TNPO2: variants seen among roughly 807,000 people sequenced by gnomAD.
TNPO2 encodes the protein transportin-2.
A neutral mutation model predicts 111.1 loss-of-function variants in TNPO2; 16 were observed. The ratio of observed to expected loss-of-function variants is 0.14; its 90% CI spans 0.10 to 0.22. TNPO2 has a LOEUF of 0.22. TNPO2 is among the 10% of genes least tolerant of loss of function. The probability of loss-of-function intolerance (pLI) is 1.00; values close to 1 mark genes in which losing one functional copy is unlikely to be tolerated. For missense variants in TNPO2, 530 were observed against 1,173.7 expected (o/e 0.45, Z 8.01); for synonymous variants, 481 against 475.8 (o/e 1.01, Z -0.14).
chr19:12,715,478 C>T lies in TNPO2; in HGVS notation c.493G>A (p.Ala165Thr), dbSNP rs369773308. Residue 165 changes from alanine to threonine, a missense_variant, in exon 7 of 26, where the codon GCC (alanine) becomes ACC (threonine). Physicochemically the swap from Ala to Thr is moderately conservative, Grantham distance 58. This residue lies in a region of TNPO2 where 156 missense variants were observed against 405.8 expected (regional missense o/e 0.38). Coordinates refer to ENST00000425528, the MANE Select transcript of TNPO2 (RefSeq NM_001382241.1). The surrounding 1 kb of genome is among the most constrained non-coding windows in gnomAD (Gnocchi z 7.1). ...EDSSELLDSD[A>T]LNRPLNIMIP... ...ATGATGTTGAGGGGCCTGTTGAGGG[C>T]GTCACTGTCCAGAAGCTCTGATGAG... 94 of 1,613,746 alleles carry T rather than the reference C, an allele frequency of 5.8e-5. No individual in the cohort carries two copies. Among genetic ancestry groups the T allele is most frequent in the Middle Eastern group, 1.6e-4 (1 of 6,082 alleles).
chr19:12,702,308 G>C lies in TNPO2; in HGVS notation c.2306-131C>G, dbSNP rs2025364258. The C allele has an allele frequency of 1.4e-6, 1 of 737,840 alleles. No individual in the cohort carries two copies. Among genetic ancestry groups the C allele is most frequent in the Non-Finnish European group, 2.4e-6 (1 of 421,500 alleles). 45.7% of individuals were successfully genotyped at this position (737,840 alleles called of 1,614,324 possible). A position where few individuals can be genotyped will look rare whatever the true frequency, so the allele number is the denominator to read the frequency against. On this transcript the variant is annotated intron_variant, in intron 21 of 25. Coordinates refer to ENST00000425528, the MANE Select transcript of TNPO2 (RefSeq NM_001382241.1). The surrounding 1 kb of genome is among the most constrained non-coding windows in gnomAD (Gnocchi z 5.5). ...GTCCCCCAAGCTTGGCCCAGCCAGG[G>C]GTCCTCCTCATCACACCTGAGTCAC...
rs749625985 is a variant in TNPO2, at chr19:12,703,703, G to A, written c.2110+11C>T. ...TGGGGTCATGGGTTAGGGACAAGGCGAGTGTCGTACCGATACAGGGCTTGA... is the reference window on the plus strand; with the variant it reads ...TGGGGTCATGGGTTAGGGACAAGGCAAGTGTCGTACCGATACAGGGCTTGA... On this transcript the variant is annotated intron_variant, in intron 19 of 25. Transcript: ENST00000425528. 5 of 1,606,492 alleles carry A rather than the reference G, an allele frequency of 3.1e-6. No individual in the cohort carries two copies. The highest frequency in any genetic ancestry group is 2.2e-5 in the South Asian group (2 of 90,108).
Position 12,711,631 on chromosome 19 carries a change from G to T in TNPO2, c.891-18C>A, listed in dbSNP as rs754632255. The T allele has an allele frequency of 1.2e-6, 2 of 1,611,604 alleles. No homozygotes were observed. The highest frequency in any genetic ancestry group is 4.5e-5 in the East Asian group (2 of 44,854). ...GGATCAACCTGCACAGAGAGGGACT[G>T]TTTATGGGGATGCAGGGGCCGTGGC... On this transcript the variant is annotated intron_variant, in intron 10 of 25. Transcript: ENST00000425528.
chr19:12,706,531 G>A lies in TNPO2; in HGVS notation c.1496+39C>T, dbSNP rs755548562. 45 of 1,606,350 alleles carry A rather than the reference G, an allele frequency of 2.8e-5. No individual in the cohort carries two copies. The highest frequency in any genetic ancestry group is 3.7e-5 in the Non-Finnish European group (43 of 1,173,502). ...TCATCACTTCCCAGAGGGTGGCCGG[G>A]GGAGAGTGGGGGCTGTGGGATCAGG... is the stretch of plus-strand genomic sequence containing the variant. On this transcript the variant is annotated intron_variant, in intron 14 of 25. Coordinates refer to ENST00000425528, the MANE Select transcript of TNPO2 (RefSeq NM_001382241.1). The surrounding 1 kb of genome is among the most constrained non-coding windows in gnomAD (Gnocchi z 7.0).
chr19:12,701,763 C>T lies in TNPO2; in HGVS notation c.2500G>A (p.Gly834Ser). 2 of 1,613,832 alleles carry T rather than the reference C, an allele frequency of 1.2e-6. No individual in the cohort carries two copies. The highest frequency in any genetic ancestry group is 1.3e-5 in the African/African-American group (1 of 75,044). The change falls in exon 23 of 26, where the codon GGC becomes AGC. Residue 834 changes from glycine to serine, a missense_variant. Coordinates refer to ENST00000425528, the MANE Select transcript of TNPO2 (RefSeq NM_001382241.1). This position sits in a 1 kb window ranked among gnomAD's most constrained non-coding sequence, Gnocchi z 5.0. ...ICMMIGVNPGGVVQDFIFFCD... is the reference protein window; with the variant it reads ...ICMMIGVNPGSVVQDFIFFCD... ...CCAGCTGCCCCAACCTGCACAACGC[C>T]CCCCGGGTTGACACCGATCATCATG...
chr19:12,701,582 CCAGA>C lies in TNPO2; in HGVS notation c.2586+12_2586+15del. Reference sequence around the variant, plus strand: ...CCTGCTCCCGGAACTAGATCAGGGCCCAGACAGAGCCTCACCTTATAAAACATGT... The same window carrying C: ...CCTGCTCCCGGAACTAGATCAGGGCCCAGAGCCTCACCTTATAAAACATGT... On this transcript the variant is annotated intron_variant, in intron 24 of 25. Transcript: ENST00000425528. This position sits in a 1 kb window ranked among gnomAD's most constrained non-coding sequence, Gnocchi z 5.0. 3 of 1,613,550 alleles carry C rather than the reference CCAGA, an allele frequency of 1.9e-6. No individual in the cohort carries two copies. The highest frequency in any genetic ancestry group is 2.5e-6 in the Non-Finnish European group (3 of 1,179,648).
At chr19:12,710,968 C>G (rs535871132) in intron 12 of TNPO2, among the ~76,000 whole-genome samples, 195 bp from the exon 13 acceptor site, 1 of 152,286 alleles carries the variant, frequency 6.6e-6, no homozygotes, top group East Asian at 1.9e-4. Context: ...TATCTCGGCT[C>G]ACTGCAAGCT....
At position 12,721,195 on chromosome 19, in the gene TNPO2, G is replaced by T. The variant is rs1402022933; in HGVS notation, c.-13-205C>A. 2 of 1,382,134 alleles carry T rather than the reference G, an allele frequency of 1.4e-6. No homozygotes were observed. Among genetic ancestry groups the T allele is most frequent in the Non-Finnish European group, 1.9e-6 (2 of 1,075,062 alleles). The allele number at this position is 1,382,134 out of a possible 1,614,324, so 85.6% of individuals were successfully genotyped here. A position where few individuals can be genotyped will look rare whatever the true frequency, so the allele number is the denominator to read the frequency against. On this transcript the variant is annotated intron_variant, in intron 2 of 25. Coordinates refer to ENST00000425528, the MANE Select transcript of TNPO2 (RefSeq NM_001382241.1). The surrounding 1 kb of genome is among the most constrained non-coding windows in gnomAD (Gnocchi z 4.9). ...GCGCAGTCGCGGGCTCGGGAGCGCG[G>T]GAGGGGGGATGTGGAAACGGGCCAC...
Position 12,715,347 on chromosome 19 carries a change from G to A in TNPO2, c.567-23C>T. Reference sequence around the variant, plus strand: ...GACCTGGCGGGGAGCAGACACGTGGGTCACCCTGACCCTGCCCACTCCAGG... The same window carrying A: ...GACCTGGCGGGGAGCAGACACGTGGATCACCCTGACCCTGCCCACTCCAGG... On this transcript the variant is annotated intron_variant, in intron 7 of 25. Coordinates refer to ENST00000425528, the MANE Select transcript of TNPO2 (RefSeq NM_001382241.1). The surrounding 1 kb of genome is among the most constrained non-coding windows in gnomAD (Gnocchi z 7.1). The A allele has an allele frequency of 2.5e-6, 4 of 1,613,858 alleles. No individual in the cohort carries two copies. In the South Asian group the frequency reaches 3.3e-5, roughly 13 times the overall value.
At chr19:12,712,663 G>A (rs920419752) in intron 10 of TNPO2, among the ~76,000 whole-genome samples, 1 of 152,166 alleles carries the variant, frequency 6.6e-6, no homozygotes, top group Non-Finnish European at 1.5e-5. Context: ...CAGTGGACAC[G>A]TGACCCATGT....
chr19:12,701,931 G>T lies in TNPO2; in HGVS notation c.2412-80C>A. 1.4e-6 allele frequency: 2 copies of T among 1,440,726 alleles called. No individual in the cohort carries two copies. Among genetic ancestry groups the T allele is most frequent in the Non-Finnish European group, 2.0e-6 (2 of 1,024,402 alleles). 89.2% of individuals were successfully genotyped at this position (1,440,726 alleles called of 1,614,324 possible). The stretch of plus-strand genomic sequence containing the variant: ...GAGGGCTGGGTCACTGGGGATCAGT[G>T]AGTGGGCCTGGGACATGCATCTGTG... On this transcript the variant is annotated intron_variant, in intron 22 of 25. Transcript: ENST00000425528. This position sits in a 1 kb window ranked among gnomAD's most constrained non-coding sequence, Gnocchi z 5.0.
At chr19:12,709,406 G>T (rs992186550) in intron 13 of TNPO2, among the ~76,000 whole-genome samples, 5 of 147,610 alleles carry the variant, frequency 3.4e-5, no homozygotes, top group Admixed American at 1.3e-4. Context: ...ATTAACATAT[G>T]TAAGCGTATT....
Position 12,701,258 on chromosome 19 carries a change from G to A in TNPO2, c.*21-15C>T. ...CAGACAGAAACCTGCAGGGGGAGGA[G>A]GAAGGTCATGGCCTGGGACCTTTCG... On this transcript the variant is annotated splice_polypyrimidine_tract_variant and intron_variant, in intron 25 of 25. Transcript: ENST00000425528. This position sits in a 1 kb window ranked among gnomAD's most constrained non-coding sequence, Gnocchi z 5.0. The A allele has an allele frequency of 3.9e-6, 4 of 1,034,692 alleles. No individual in the cohort carries two copies. The highest frequency in any genetic ancestry group is 1.4e-5 in the South Asian group (1 of 69,844). The allele number at this position is 1,034,692 out of a possible 1,614,324, so 64.1% of individuals were successfully genotyped here. A position where few individuals can be genotyped will look rare whatever the true frequency, so the allele number is the denominator to read the frequency against.
intron 5 of TNPO2, among the ~76,000 whole-genome samples, chr19:12,718,061 G>A (rs1178229036): frequency 6.6e-6 from 1 of 151,550 alleles, no homozygotes; most frequent in Admixed American, 6.6e-5. Context: ...CTGGAGTGTA[G>A]TGCCGCAATC....
rs1369613829 is a variant in TNPO2, at chr19:12,701,691, C to T, written c.2512-19G>A. ...TAAAGTCCTGAAACGTGACGGATCCCAGGTGAGGGGCCGCCCGAGCCCAGC... is the reference window on the plus strand; with the variant it reads ...TAAAGTCCTGAAACGTGACGGATCCTAGGTGAGGGGCCGCCCGAGCCCAGC... On this transcript the variant is annotated intron_variant, in intron 23 of 25. Coordinates refer to ENST00000425528, the MANE Select transcript of TNPO2 (RefSeq NM_001382241.1). The surrounding 1 kb of genome is among the most constrained non-coding windows in gnomAD (Gnocchi z 5.0). 1 of 1,613,776 alleles carries T rather than the reference C, an allele frequency of 6.2e-7. No homozygotes were observed. The highest frequency in any genetic ancestry group is 1.1e-5 in the South Asian group (1 of 91,082).
At position 12,701,777 on chromosome 19, in the gene TNPO2, C is replaced by T. The variant is rs748241836; in HGVS notation, c.2486G>A (p.Gly829Asp). ...SAFRGICMMI[G>D]VNPGGVVQDF... ...CTGCACAACGCCCCCCGGGTTGACA[C>T]CGATCATCATGCAGATGCCGCGGAA... is the stretch of plus-strand genomic sequence containing the variant. Residue 829 changes from glycine (G) to aspartate (D), a missense_variant, in exon 23 of 26, where the codon GGT (glycine) becomes GAT (aspartate). Physicochemically the swap from Gly to Asp is moderately conservative, Grantham distance 94. Around this residue, in one of 4 missense-constraint regions of TNPO2, gnomAD observed 103 missense variants for 156.7 expected, o/e 0.66. Transcript: ENST00000425528. This position sits in a 1 kb window ranked among gnomAD's most constrained non-coding sequence, Gnocchi z 5.0. 4 of 1,613,840 alleles carry T rather than the reference C, an allele frequency of 2.5e-6. No individual in the cohort carries two copies. The South Asian group carries it at 3.3e-5, about 13-fold the overall frequency.
In TNPO2 at chr19:12,702,304, C is replaced by A; in HGVS notation, c.2306-127G>T. 1.3e-6 allele frequency: 1 copy of A among 751,912 alleles called. No homozygotes were observed. Among genetic ancestry groups the A allele is most frequent in the Non-Finnish European group, 2.3e-6 (1 of 434,324 alleles). 46.6% of individuals were successfully genotyped at this position (751,912 alleles called of 1,614,324 possible). On this transcript the variant is annotated intron_variant, in intron 21 of 25. Coordinates refer to ENST00000425528, the MANE Select transcript of TNPO2 (RefSeq NM_001382241.1). The surrounding 1 kb of genome is among the most constrained non-coding windows in gnomAD (Gnocchi z 5.5). Reference sequence around the variant, plus strand: ...CCTGGTCCCCCAAGCTTGGCCCAGCCAGGGGTCCTCCTCATCACACCTGAG... The same window carrying A: ...CCTGGTCCCCCAAGCTTGGCCCAGCAAGGGGTCCTCCTCATCACACCTGAG...
chr19:12,702,848 T>A lies in TNPO2; in HGVS notation c.2280A>T (p.Thr760=). 1 of 1,613,572 alleles carries A rather than the reference T, an allele frequency of 6.2e-7. No individual in the cohort carries two copies. Among genetic ancestry groups the A allele is most frequent in the Non-Finnish European group, 8.5e-7 (1 of 1,179,716 alleles). The part of the protein sequence containing the change: ...NLVEIINRPN[T]PKTLLENTGR... The stretch of plus-strand genomic sequence containing the variant: ...CTGTGTTTTCCAGCAGTGTCTTGGG[T>A]GTGTTGGGTCGGTTAATGATTTCCA... The change falls in exon 21 of 26, where the codon ACA becomes ACT. Residue 760 remains threonine (T), a synonymous_variant. Coordinates refer to ENST00000425528, the MANE Select transcript of TNPO2 (RefSeq NM_001382241.1). The surrounding 1 kb of genome is among the most constrained non-coding windows in gnomAD (Gnocchi z 5.5).
At position 12,701,960 on chromosome 19, in the gene TNPO2, G is replaced by A; in HGVS notation, c.2412-109C>T. Reference sequence around the variant, plus strand: ...GGGCCTGGGACATGCATCTGTGGGGGTGGGGCAGGGCAGGGAGTCAGTAGG... The same window carrying A: ...GGGCCTGGGACATGCATCTGTGGGGATGGGGCAGGGCAGGGAGTCAGTAGG... On this transcript the variant is annotated intron_variant, in intron 22 of 25. Transcript: ENST00000425528. This position sits in a 1 kb window ranked among gnomAD's most constrained non-coding sequence, Gnocchi z 5.0. 7.2e-7 allele frequency: 1 copy of A among 1,391,700 alleles called. No individual in the cohort carries two copies. Among genetic ancestry groups the A allele is most frequent in the Non-Finnish European group, 1.0e-6 (1 of 980,332 alleles). 86.2% of individuals were successfully genotyped at this position (1,391,700 alleles called of 1,614,324 possible). A position where few individuals can be genotyped will look rare whatever the true frequency, so the allele number is the denominator to read the frequency against.
Sources: allele counts gnomAD v4.1 joint callset (sites outside exome capture counted in the v4.1 genomes callset), GRCh38; gene constraint gnomAD v4.1.1; regional missense constraint gnomAD v4.1.1; non-coding constraint Gnocchi (gnomAD v3.1); transcripts MANE v1.5; gene names NCBI Gene and HGNC (gene_info 2026-07-23, HGNC 2026-07-21).